The following MYO16 variants were observed in gnomAD, a reference collection of about 807,000 sequenced individuals.
MYO16 encodes the protein unconventional myosin-XVI.
In MYO16, 94 loss-of-function variants were observed where a neutral mutation model predicts 205.3. The ratio of observed to expected loss-of-function variants is 0.46; its 90% CI spans 0.39 to 0.54. MYO16 has a LOEUF of 0.54. Ranked by LOEUF, MYO16 falls within the 20% of genes least tolerant of loss-of-function variation. The pLI, the probability that MYO16 is intolerant of heterozygous loss-of-function variation, is 0.00. For synonymous variants in MYO16, 988 were observed against 954.0 expected, an observed-to-expected ratio of 1.04 and a Z score of -0.66; for missense variants, 2,315 against 2,387.5, an observed-to-expected ratio of 0.97 and a Z score of 0.63.
intron 16 of MYO16, among the ~76,000 whole-genome samples, chr13:108,926,859 A>G (rs1446651496): frequency 1.3e-5 from 2 of 152,190 alleles, no homozygotes; most frequent in African/African-American, 2.4e-5. Flanking sequence ...GTTAAACAAC[A>G]TCTTTTAAAA....
chr13:108,510,425 A>ATTTTTTTTTTTTTTTTTTTT, the MYO16 span, among the ~76,000 whole-genome samples: 7 of 97,082 alleles, frequency 7.2e-5, no homozygotes, highest in Non-Finnish European at 9.8e-5. Context: ...TAGATAGTTA[A>ATTTTTTTTTTTTTTTTTTTT]TTTTTTTTTT....
In MYO16 at chr13:108,952,497, G is replaced by T. The variant is rs951519709; in HGVS notation, c.1926-5191G>T. Among the ~76,000 whole-genome samples the T allele has an allele frequency of 6.6e-5, 10 of 152,308 alleles. No homozygotes were observed. The South Asian group carries it at 1.9e-3, about 28-fold the overall frequency. ...ATTGTTGTGGAGACTAATGGAGGAA[G>T]TGCCTCAAAAACACCCAGTGGAGAA... On this transcript the variant is annotated intron_variant, in intron 16 of 34. Transcript: ENST00000457511.
intron 1 of MYO16, among the ~76,000 whole-genome samples, chr13:108,615,414 AGTGTTATCAC>A (rs1879314843): frequency 6.6e-6 from 1 of 152,128 alleles, no homozygotes; most frequent in South Asian, 2.1e-4. Flanking sequence ...TTTTTAATGT[AGTGTTATCAC>A]GTGATCCAGA....
chr13:108,908,819 C>T (rs562405246), intron 15 of MYO16, among the ~76,000 whole-genome samples: 87 of 151,800 alleles, frequency 5.7e-4, no homozygotes, highest in African/African-American at 2.0e-3. Context: ...ACTAAAAATA[C>T]AAAAATTAGC....
At chr13:109,132,665 A>G (rs925346192) in intron 31 of MYO16, among the ~76,000 whole-genome samples, 9 of 152,320 alleles carry the variant, frequency 5.9e-5, no homozygotes, top group African/African-American at 1.7e-4. Flanking sequence ...TTGTCTGCAT[A>G]TTTTTAACAG....
chr13:108,829,081 G>A (rs1016448091), intron 9 of MYO16, among the ~76,000 whole-genome samples: 1 of 152,148 alleles, frequency 6.6e-6, no homozygotes, highest in African/African-American at 2.4e-5. Context: ...GTGGCCTGGG[G>A]ACCCCCAAAC....
At position 108,862,231 on chromosome 13, in the gene MYO16, G is replaced by T. The variant is rs182377887; in HGVS notation, c.1360-3946G>T. 2.3e-3 allele frequency among the ~76,000 whole-genome samples: 343 copies of T among 152,250 alleles called. 1 individual carries two copies. The highest frequency in any genetic ancestry group is 8.0e-3 in the African/African-American group (331 of 41,560). ...ATCCTGAAAGAATAAAATTCTGAAT[G>T]TTAAAATCCTGAAAGCTGAATTCTA... On this transcript the variant is annotated intron_variant, in intron 11 of 34. Transcript: ENST00000457511.
At position 109,171,556 on chromosome 13, in the gene MYO16, GC is replaced by G. The variant is rs1420978703; in HGVS notation, c.5323+6499del. Among the ~76,000 whole-genome samples, 8 of 152,202 alleles carry G rather than the reference GC, an allele frequency of 5.3e-5. 1 individual carries two copies. The South Asian group carries it at 8.3e-4, about 16-fold the overall frequency. ...ATTATAGCTATCACTTACTTTAATT[GC>G]CATCCTTTTACTGATGCGAGCGCAG... On this transcript the variant is annotated intron_variant, in intron 33 of 34. Transcript: ENST00000457511.
At chr13:108,714,621 TAGAG>T (rs908183315) in intron 3 of MYO16, among the ~76,000 whole-genome samples, 10 of 140,920 alleles carry the variant, frequency 7.1e-5, no homozygotes, top group South Asian at 4.7e-4. Context: ...TGTATATATA[TAGAG>T]AGAGAGAGAT....
intron 12 of MYO16, among the ~76,000 whole-genome samples, chr13:108,881,603 G>C (rs1334687983): frequency 6.6e-6 from 1 of 152,178 alleles, no homozygotes; most frequent in African/African-American, 2.4e-5. Flanking sequence ...GGTCTTAAAT[G>C]ACCTGATGGA....
At chr13:108,784,235 T>G (rs1252100625) in intron 4 of MYO16, among the ~76,000 whole-genome samples, 1 of 152,140 alleles carries the variant, frequency 6.6e-6, no homozygotes, top group East Asian at 1.9e-4. Flanking sequence ...AGTCAGGGTT[T>G]TTTTTTTCAA....
chr13:108,869,718 G>A lies in MYO16; in HGVS notation c.1425+3476G>A, dbSNP rs367772495. Among the ~76,000 whole-genome samples the A allele has an allele frequency of 6.7e-5, 8 of 119,878 alleles. No individual in the cohort carries two copies. In the South Asian group the frequency reaches 1.0e-3, roughly 15 times the overall value. 78.6% of individuals were successfully genotyped at this position (119,878 alleles called of 152,430 possible). A position where few individuals can be genotyped will look rare whatever the true frequency, so the allele number is the denominator to read the frequency against. On this transcript the variant is annotated intron_variant, in intron 12 of 34. Transcript: ENST00000457511. ...TGCACTCCAGCCTGGGCGACAGAGC[G>A]AGACTCCGTTTCTAAAAAAAAAAAA...
In MYO16 at chr13:109,013,818, A is replaced by AT. The variant is rs1233655541; in HGVS notation, c.2595+4775dup. On this transcript the variant is annotated intron_variant, in intron 22 of 34. Transcript: ENST00000457511. ...GTCCACTTTTTGATGGGGTTGTTTGATTTTTTCTTGTAAATTTGTTTAAGT... is the reference window on the plus strand; with the variant it reads ...GTCCACTTTTTGATGGGGTTGTTTGATTTTTTTCTTGTAAATTTGTTTAAGT... 1.2e-4 allele frequency among the ~76,000 whole-genome samples: 18 copies of AT among 151,768 alleles called. No homozygotes were observed. In the East Asian group the frequency reaches 2.3e-3, roughly 20 times the overall value.
intron 13 of MYO16, among the ~76,000 whole-genome samples, chr13:108,887,671 A>G (rs563158391): frequency 1.3e-5 from 2 of 152,308 alleles, no homozygotes; most frequent in South Asian, 4.1e-4. Flanking sequence ...GAAAAATGCA[A>G]ACTAGAGAAC....
chr13:108,986,803 G>A (rs1884655015), intron 20 of MYO16, among the ~76,000 whole-genome samples: 1 of 151,998 alleles, frequency 6.6e-6, no homozygotes, highest in African/African-American at 2.4e-5. Flanking sequence ...TGGTTTCTGA[G>A]GAGAACAGAA....
intron 23 of MYO16, among the ~76,000 whole-genome samples, 191 bp downstream of exon 23, chr13:109,020,102 G>A (rs998445945): frequency 1.3e-5 from 2 of 152,116 alleles, no homozygotes; most frequent in African/African-American, 2.4e-5. Context: ...TCAGAATGAT[G>A]ACGCACACTG....
chr13:109,014,943 A>G (rs901560205), intron 22 of MYO16, among the ~76,000 whole-genome samples: 2 of 152,204 alleles, frequency 1.3e-5, no homozygotes, highest in African/African-American at 4.8e-5. Context: ...TCCTAATTGA[A>G]TATCCTTTAT....
At chr13:108,571,193 G>A in the MYO16 span, among the ~76,000 whole-genome samples, 1 of 151,638 alleles carries the variant, frequency 6.6e-6, no homozygotes, top group African/African-American at 2.4e-5. Flanking sequence ...GAATCTCTGT[G>A]AACTGTGGAA....
chr13:109,201,321 A>G (rs1177215665), intron 34 of MYO16: 1 of 152,178 alleles, frequency 6.6e-6, no homozygotes, highest in Non-Finnish European at 1.5e-5. Flanking sequence ...CTTAATCCCA[A>G]TAACAAGGTT....
Sources: allele counts gnomAD v4.1 joint callset (sites outside exome capture counted in the v4.1 genomes callset), GRCh38; gene constraint gnomAD v4.1.1; transcripts MANE v1.5; gene names NCBI Gene and HGNC (gene_info 2026-07-23, HGNC 2026-07-21).